Variants in CPNE2 observed in about 807,000 individuals in gnomAD.
CPNE2 encodes copine 2, also known as copine-2.
A neutral mutation model predicts 69.7 loss-of-function variants in CPNE2; 42 were observed. The ratio of observed to expected loss-of-function variants is 0.60; its 90% CI spans 0.47 to 0.78. The LOEUF is 0.78. Among genes scored for constraint, CPNE2 ranks in the 30% least tolerant of loss-of-function variants. The pLI is 0.00. For missense variants in CPNE2, 587 were observed against 732.0 expected (o/e 0.80, Z 2.29); for synonymous variants, 294 against 289.8 (o/e 1.01, Z -0.15).
At chr16:57,132,004 G>A (rs1011769499) in intron 12 of CPNE2, among the ~76,000 whole-genome samples, 9 of 152,152 alleles carry the variant, frequency 5.9e-5, no homozygotes, top group African/African-American at 1.7e-4. Context: ...GAAGGCACTG[G>A]GTTTCTTTCT....
chr16:57,102,462 C>T (rs1221335814), intron 1 of CPNE2, among the ~76,000 whole-genome samples: 3 of 152,152 alleles, frequency 2.0e-5, no homozygotes, highest in African/African-American at 7.2e-5. Context: ...ACCTTGAGGG[C>T]TGTGTATCCA....
intron 12 of CPNE2, among the ~76,000 whole-genome samples, 186 bp from the exon 13 acceptor site, chr16:57,134,589 C>G (rs1435354337): frequency 6.6e-6 from 1 of 152,052 alleles, no homozygotes; most frequent in Non-Finnish European, 1.5e-5. Flanking sequence ...TTGGGCCTCT[C>G]TGTGGGTCAC....
chr16:57,122,397 G>A (rs1018302212), intron 9 of CPNE2, among the ~76,000 whole-genome samples: 15 of 152,176 alleles, frequency 9.9e-5, no homozygotes, highest in Admixed American at 4.6e-4. Context: ...TTGGAGCCTC[G>A]TCTGGCTAGG....
chr16:57,103,058 C>A (rs879906389), intron 1 of CPNE2, among the ~76,000 whole-genome samples: 2 of 152,112 alleles, frequency 1.3e-5, no homozygotes, highest in Non-Finnish European at 2.9e-5. Context: ...TGGTACTGAC[C>A]GTGACCAGGC....
intron 1 of CPNE2, among the ~76,000 whole-genome samples, chr16:57,110,371 C>G (rs528352037): frequency 6.6e-6 from 1 of 151,846 alleles, no homozygotes; most frequent in Non-Finnish European, 1.5e-5. Context: ...ACCACAGGCA[C>G]GCACCACCAT....
intron 4 of CPNE2, 72 bp from the exon 5 acceptor site, chr16:57,117,424 G>A: frequency 6.6e-7 from 1 of 1,507,842 alleles, no homozygotes; most frequent in Non-Finnish European, 9.1e-7. Flanking sequence ...TTGCTCCTGG[G>A]GCACCCTGTG....
In CPNE2 at chr16:57,114,934, C is replaced by CAAAAAAAAA. The variant is rs55845635; in HGVS notation, c.361-524_361-516dup. Among the ~76,000 whole-genome samples, 21 of 39,068 alleles carry CAAAAAAAAA rather than the reference C, an allele frequency of 5.4e-4. 5 individuals carry two copies. Among genetic ancestry groups the CAAAAAAAAA allele is most frequent in the African/African-American group, 6.5e-4 (6 of 9,166 alleles). The allele number at this position is 39,068 out of a possible 152,430, so 25.6% of individuals were successfully genotyped here. ...CAACATAATGAGCCCTTGTCTCTAC[C>CAAAAAAAAA]AAAAAAAAAAAAAAAAAAAAAAAAA... On this transcript the variant is annotated intron_variant, in intron 3 of 15. Coordinates refer to ENST00000290776, the MANE Select transcript of CPNE2 (RefSeq NM_152727.6).
chr16:57,094,911 G>A (rs148601921), intron 1 of CPNE2, among the ~76,000 whole-genome samples: 1 of 152,266 alleles, frequency 6.6e-6, no homozygotes, highest in Non-Finnish European at 1.5e-5. Context: ...AAACAAAAGA[G>A]CACTCTCTAG....
intron 12 of CPNE2, among the ~76,000 whole-genome samples, chr16:57,134,261 G>A (rs1367719086): frequency 2.0e-5 from 3 of 152,152 alleles, no homozygotes; most frequent in Non-Finnish European, 4.4e-5. Context: ...CTCCCTGATC[G>A]CCAGGTCAGC....
chr16:57,104,640 GTCC>G (rs1318910651), intron 1 of CPNE2, among the ~76,000 whole-genome samples: 2 of 152,176 alleles, frequency 1.3e-5, no homozygotes, highest in Non-Finnish European at 2.9e-5. Flanking sequence ...CAGTGATGAT[GTCC>G]TCCTGAGGGA....
chr16:57,108,432 T>C (rs1186655465), intron 1 of CPNE2, among the ~76,000 whole-genome samples: 1 of 149,494 alleles, frequency 6.7e-6, no homozygotes, highest in African/African-American at 2.4e-5. Context: ...TTCCCTCCAC[T>C]GGAGAAGTTC....
intron 13 of CPNE2, among the ~76,000 whole-genome samples, 196 bp from the exon 14 acceptor site, chr16:57,136,953 T>C (rs1373617269): frequency 6.6e-6 from 1 of 152,242 alleles, no homozygotes; most frequent in Non-Finnish European, 1.5e-5. Flanking sequence ...CCTGTCTGAC[T>C]TCACATTCAG....
Position 57,146,257 on chromosome 16 carries a change from C to T in CPNE2, c.1475C>T (p.Ser492Phe), listed in dbSNP as rs752471223. 6.4e-7 allele frequency: 1 copy of T among 1,557,904 alleles called. No homozygotes were observed. Among genetic ancestry groups the T allele is most frequent in the South Asian group, 1.2e-5 (1 of 84,632 alleles). ...FLDGDSRMLR[S>F]HTGEEAARDI... ...GATGGGGACAGCCGCATGCTGCGCT[C>T]CCACACGGGGGAGGAGGCAGCCCGC... is the stretch of plus-strand genomic sequence containing the variant. Residue 492 changes from serine (S) to phenylalanine (F), a missense_variant, in exon 15 of 16, where the codon TCC (serine) becomes TTC (phenylalanine). Coordinates refer to ENST00000290776, the MANE Select transcript of CPNE2 (RefSeq NM_152727.6). The surrounding 1 kb of genome is among the most constrained non-coding windows in gnomAD (Gnocchi z 4.4).
chr16:57,105,494 G>A (rs965136107), intron 1 of CPNE2, among the ~76,000 whole-genome samples: 2 of 151,500 alleles, frequency 1.3e-5, no homozygotes, highest in Admixed American at 6.6e-5. Flanking sequence ...GGAGTGCAGT[G>A]GCACAATCAC....
chr16:57,132,955 G>A (rs1051880856), intron 12 of CPNE2, among the ~76,000 whole-genome samples: 7 of 152,210 alleles, frequency 4.6e-5, no homozygotes, highest in East Asian at 3.9e-4. Flanking sequence ...GATGAAGAGC[G>A]GGGGGCCCGA....
Position 57,110,803 on chromosome 16 carries a change from T to C in CPNE2, c.61T>C (p.Tyr21His). 6.2e-7 allele frequency: 1 copy of C among 1,613,830 alleles called. No homozygotes were observed. Among genetic ancestry groups the C allele is most frequent in the South Asian group, 1.1e-5 (1 of 91,060 alleles). Reference protein sequence around the residue: ...AAGAAPMGPQYCVCKVELSVS... With the variant: ...AAGAAPMGPQHCVCKVELSVS... ...GGGGGCAGCCCCCATGGGCCCCCAG[T>C]ATTGCGTGTGCAAGGTGGAGCTGTC... is the stretch of plus-strand genomic sequence containing the variant. Residue 21 changes from tyrosine (Y) to histidine (H), a missense_variant, in exon 2 of 16, where the codon TAT (tyrosine) becomes CAT (histidine). Tyr to His is a moderately conservative substitution (Grantham distance 83). Coordinates refer to ENST00000290776, the MANE Select transcript of CPNE2 (RefSeq NM_152727.6).
In CPNE2 at chr16:57,092,832, C is replaced by T. The variant is rs1215853236; in HGVS notation, c.-36+42C>T. ...CAGGCGGGGCAGCTTGGCGTGAGTG[C>T]CCAACTTCGGCCTTGGGGCTGGGCT... On this transcript the variant is annotated intron_variant, in intron 1 of 15. Coordinates refer to ENST00000290776, the MANE Select transcript of CPNE2 (RefSeq NM_152727.6). This position sits in a 1 kb window ranked among gnomAD's most constrained non-coding sequence, Gnocchi z 5.3. The T allele has an allele frequency of 7.9e-5, 12 of 151,818 alleles. No individual in the cohort carries two copies. The highest frequency in any genetic ancestry group is 2.9e-4 in the African/African-American group (12 of 41,382). The allele number at this position is 151,818 out of a possible 1,614,324, so 9.4% of individuals were successfully genotyped here. A position where few individuals can be genotyped will look rare whatever the true frequency, so the allele number is the denominator to read the frequency against.
chr16:57,109,743 T>C (rs1430404077), intron 1 of CPNE2, among the ~76,000 whole-genome samples: 1 of 152,212 alleles, frequency 6.6e-6, no homozygotes, highest in Non-Finnish European at 1.5e-5. Flanking sequence ...GTTTTGGTGC[T>C]GGCTTCTTTA....
chr16:57,135,948 GAAGGGA>G (rs2069876984), intron 13 of CPNE2, among the ~76,000 whole-genome samples: 1 of 139,998 alleles, frequency 7.1e-6, no homozygotes, highest in Non-Finnish European at 1.5e-5. Flanking sequence ...GAAAGGAAAG[GAAGGGA>G]AGGGGAAGGG....
Sources: gnomAD v4.1 joint callset for allele counts (sites outside exome capture counted in the v4.1 genomes callset) on GRCh38, gnomAD v4.1.1 for gene constraint, Gnocchi (gnomAD v3.1) non-coding constraint, MANE v1.5 for transcripts, NCBI Gene and HGNC (gene_info 2026-07-23, HGNC 2026-07-21) for gene names.